Variants in NCKAP5 observed in about 807,000 individuals in gnomAD.
NCKAP5 encodes nck-associated protein 5.
Under a neutral mutation model 167.0 loss-of-function variants are expected in NCKAP5, and 92 were observed. The ratio of observed to expected loss-of-function variants is 0.55; its 90% CI spans 0.47 to 0.66. The LOEUF is 0.66. Ranked by LOEUF, NCKAP5 falls within the 30% of genes least tolerant of loss-of-function variation. NCKAP5 has a pLI of 0.00. For missense variants in NCKAP5, 2,378 were observed against 2,315.0 expected, an observed-to-expected ratio of 1.03 and a Z score of -0.56; for synonymous variants, 891 against 877.4, an observed-to-expected ratio of 1.02 and a Z score of -0.27.
chr2:133,335,253 C>A (rs1321786950), intron 3 of NCKAP5, among the ~76,000 whole-genome samples: 1 of 152,126 alleles, frequency 6.6e-6, no homozygotes, highest in Non-Finnish European at 1.5e-5. Flanking sequence ...TAGTCTCTTA[C>A]CCCTCTCACT....
intron 6 of NCKAP5, among the ~76,000 whole-genome samples, chr2:132,996,233 T>G (rs1157897121): frequency 6.6e-6 from 1 of 152,254 alleles, no homozygotes; most frequent in Non-Finnish European, 1.5e-5. Flanking sequence ...TTATGAAATT[T>G]AAATTACTTC....
At chr2:133,058,589 T>C (rs146319324) in intron 6 of NCKAP5, among the ~76,000 whole-genome samples, 201 of 152,312 alleles carry the variant, frequency 1.3e-3, no homozygotes, top group Non-Finnish European at 2.4e-3. Flanking sequence ...TGTGACTGAA[T>C]TGCTGCAATC....
chr2:132,871,048 A>T (rs1390162301), intron 9 of NCKAP5, among the ~76,000 whole-genome samples: 1 of 152,176 alleles, frequency 6.6e-6, no homozygotes, highest in East Asian at 1.9e-4. Flanking sequence ...TTTAAATAAA[A>T]TGTTTTCTTA....
intron 6 of NCKAP5, among the ~76,000 whole-genome samples, chr2:133,039,465 CAG>C (rs1177564893): frequency 1.3e-5 from 2 of 152,166 alleles, no homozygotes; most frequent in East Asian, 1.9e-4. Flanking sequence ...CTTTTAGGAT[CAG>C]AGTCTTTGAT....
intron 8 of NCKAP5, among the ~76,000 whole-genome samples, chr2:132,896,896 A>G (rs955263242): frequency 2.0e-5 from 3 of 152,182 alleles, no homozygotes; most frequent in African/African-American, 7.2e-5. Context: ...AAGCTCTTGC[A>G]TTTAATTACT....
chr2:133,165,180 C>T (rs1291119332), intron 5 of NCKAP5, among the ~76,000 whole-genome samples: 1 of 152,180 alleles, frequency 6.6e-6, no homozygotes, highest in East Asian at 1.9e-4. Flanking sequence ...ACAGAATTAT[C>T]TGGCCCAAAA....
chr2:133,654,894 G>T, the NCKAP5 span, among the ~76,000 whole-genome samples: 11 of 152,072 alleles, frequency 7.2e-5, no homozygotes, highest in Non-Finnish European at 1.5e-4. Context: ...TGGGGTCTTG[G>T]GGAAAACTCA....
intron 3 of NCKAP5, among the ~76,000 whole-genome samples, chr2:133,470,543 T>C (rs943269411): frequency 9.2e-5 from 14 of 152,236 alleles, no homozygotes; most frequent in Non-Finnish European, 1.5e-5. Context: ...CTCCACCCAG[T>C]TCGAGCTTCC....
At chr2:133,532,780 A>G (rs1341305934) in intron 2 of NCKAP5, among the ~76,000 whole-genome samples, 5 of 152,118 alleles carry the variant, frequency 3.3e-5, no homozygotes, top group Non-Finnish European at 7.4e-5. Flanking sequence ...AAATTTTAAT[A>G]CCACAGATTT....
intron 19 of NCKAP5, among the ~76,000 whole-genome samples, chr2:132,700,886 A>T (rs1203475264): frequency 3.7e-5 from 5 of 136,328 alleles, no homozygotes; most frequent in Non-Finnish European, 7.7e-5. Context: ...CAGAGAGCTA[A>T]GGCAGTGGGT....
chr2:133,099,673 C>T (rs780437166), intron 6 of NCKAP5, among the ~76,000 whole-genome samples: 2 of 152,120 alleles, frequency 1.3e-5, no homozygotes, highest in Non-Finnish European at 2.9e-5. Context: ...CTCAAAAAAA[C>T]CCTTTTCAGG....
chr2:133,042,654 G>A (rs1245304843), intron 6 of NCKAP5, among the ~76,000 whole-genome samples: 5 of 152,128 alleles, frequency 3.3e-5, no homozygotes, highest in African/African-American at 1.2e-4. Context: ...TTGTTTGTGT[G>A]TATGCACACA....
rs60303968 is a variant in NCKAP5, at chr2:133,464,361, A to G, written c.69+53097T>C. 5.1e-3 allele frequency among the ~76,000 whole-genome samples: 770 copies of G among 152,336 alleles called. 7 individuals are homozygous for G. Among genetic ancestry groups the G allele is most frequent in the African/African-American group, 0.017 (721 of 41,586 alleles). On this transcript the variant is annotated intron_variant, in intron 3 of 19. Coordinates refer to ENST00000409261, the MANE Select transcript of NCKAP5 (RefSeq NM_207363.3). ...ATGGCACCTATCATAGTACCTAGGTACAAAAATGTTCAGCAAACATTTGCT... is the reference window on the plus strand; with the variant it reads ...ATGGCACCTATCATAGTACCTAGGTGCAAAAATGTTCAGCAAACATTTGCT...
At chr2:132,824,322 T>C (rs1053452205) in intron 11 of NCKAP5, among the ~76,000 whole-genome samples, 15 of 152,316 alleles carry the variant, frequency 9.8e-5, no homozygotes, top group Non-Finnish European at 2.1e-4. Context: ...TAGGGGCTCA[T>C]GCCAAGATGA....
intron 19 of NCKAP5, among the ~76,000 whole-genome samples, chr2:132,713,465 C>T (rs896670620): frequency 6.6e-6 from 1 of 152,196 alleles, no homozygotes; most frequent in Non-Finnish European, 1.5e-5. Context: ...CAAGAAGACA[C>T]ATGCCTTCTC....
chr2:132,946,020 C>T (rs532081804), intron 8 of NCKAP5, among the ~76,000 whole-genome samples: 6 of 152,160 alleles, frequency 3.9e-5, no homozygotes, highest in Admixed American at 6.5e-5. Flanking sequence ...AATTCATATT[C>T]GTGTGATATT....
chr2:133,544,583 T>C (rs1006757632), intron 2 of NCKAP5, among the ~76,000 whole-genome samples: 2 of 152,220 alleles, frequency 1.3e-5, no homozygotes, highest in African/African-American at 4.8e-5. Context: ...GGAGTATTAT[T>C]TGTTTGATTT....
At chr2:133,495,676 C>T (rs906684534) in intron 3 of NCKAP5, among the ~76,000 whole-genome samples, 1 of 152,124 alleles carries the variant, frequency 6.6e-6, no homozygotes, top group African/African-American at 2.4e-5. Context: ...AGGATTCAGT[C>T]CAGAGACATG....
At chr2:132,755,842 T>A (rs1451954531) in intron 16 of NCKAP5, among the ~76,000 whole-genome samples, 7 of 116,520 alleles carry the variant, frequency 6.0e-5, no homozygotes, top group East Asian at 2.9e-4. Context: ...GAAAAAAAAA[T>A]GCTAAATGGC....
Sources: gnomAD v4.1 joint callset for allele counts (sites outside exome capture counted in the v4.1 genomes callset) on GRCh38, gnomAD v4.1.1 for gene constraint, MANE v1.5 for transcripts, NCBI Gene and HGNC (gene_info 2026-07-23, HGNC 2026-07-21) for gene names.